The following IFT74 variants were observed in gnomAD, a reference collection of about 807,000 sequenced individuals.
IFT74 encodes intraflagellar transport 74, also known as intraflagellar transport protein 74 homolog.
IFT74 carries 92 observed loss-of-function variants against 96.7 expected under a neutral mutation model. The observed-to-expected ratio is 0.95, with a 90% CI of 0.80 to 1.13. IFT74 has a LOEUF of 1.13. Among genes scored for constraint, IFT74 ranks in the 50% most tolerant of loss-of-function variants. IFT74 has a pLI of 0.00. For missense variants in IFT74, 811 were observed against 698.2 expected (o/e 1.16, Z -1.82); for synonymous variants, 223 against 213.2 (o/e 1.05, Z -0.40).
At chr9:27,044,652 T>A in intron 13 of IFT74, 90 bp from the exon 14 acceptor site, 1 of 722,414 alleles carries the variant, frequency 1.4e-6, no homozygotes, top group Non-Finnish European at 2.4e-6. Flanking sequence ...CAATGACTAA[T>A]GGCATAGAGA....
At chr9:27,028,016 C>CA (rs1197905478) in intron 12 of IFT74, among the ~76,000 whole-genome samples, 1 of 152,172 alleles carries the variant, frequency 6.6e-6, no homozygotes, top group African/African-American at 2.4e-5. Context: ...TTAGCTTCTG[C>CA]ATATGCACTT....
chr9:27,011,952 A>G lies in IFT74; in HGVS notation c.773A>G (p.Lys258Arg). The G allele has an allele frequency of 6.3e-7, 1 of 1,587,348 alleles. No homozygotes were observed. Reference sequence around the variant, plus strand: ...CAATTGGATTCACAGAACATGAAAAAAGAGAGCCTGGAAGCAGTAAGTATA... The same window carrying G: ...CAATTGGATTCACAGAACATGAAAAGAGAGAGCCTGGAAGCAGTAAGTATA... Reference protein sequence around the residue: ...QQQLDSQNMKKESLEAEIAHS... With the variant: ...QQQLDSQNMKRESLEAEIAHS... Residue 258 changes from lysine to arginine, a missense_variant, in exon 10 of 20, where the codon AAA (lysine) becomes AGA (arginine). By Grantham distance (26) the Lys-to-Arg change is conservative (BLOSUM62 2). Transcript: ENST00000380062.
In IFT74 at chr9:26,984,698, A is replaced by G. The variant is rs1398057967; in HGVS notation, c.465+139A>G. On this transcript the variant is annotated intron_variant, in intron 6 of 19. Coordinates refer to ENST00000380062, the MANE Select transcript of IFT74 (RefSeq NM_025103.4). Reference sequence around the variant, plus strand: ...CAAACATGCAGCCAACAAGCATATGAAAAGAAGCTCATCATCACTGATGAT... The same window carrying G: ...CAAACATGCAGCCAACAAGCATATGGAAAGAAGCTCATCATCACTGATGAT... 1.3e-5 allele frequency: 8 copies of G among 616,792 alleles called. No homozygotes were observed. The Admixed American group carries it at 2.3e-4, about 17-fold the overall frequency. 38.2% of individuals were successfully genotyped at this position (616,792 alleles called of 1,614,324 possible).
At chr9:26,975,647 T>C (rs78249280) in intron 2 of IFT74, among the ~76,000 whole-genome samples, 8,105 of 152,262 alleles carry the variant, frequency 0.053, 311 homozygotes, top group Middle Eastern at 0.15. Context: ...CTAACTGAAA[T>C]AGGCCTTTCC....
chr9:26,967,044 C>CT lies in IFT74; in HGVS notation c.120+4967dup, dbSNP rs774615807. The stretch of plus-strand genomic sequence containing the variant: ...CCAGTATGCTTTTCTTTTTCTTTTC[C>CT]TTTTTTTTTTAATTCAGGATGGGTT... On this transcript the variant is annotated intron_variant, in intron 2 of 19. Transcript: ENST00000380062. Among the ~76,000 whole-genome samples, 142 of 143,932 alleles carry CT rather than the reference C, an allele frequency of 9.9e-4. 2 individuals are homozygous for CT. The East Asian group carries it at 0.019, about 19-fold the overall frequency. The allele number at this position is 143,932 out of a possible 152,430, so 94.4% of individuals were successfully genotyped here. A position where few individuals can be genotyped will look rare whatever the true frequency, so the allele number is the denominator to read the frequency against.
intron 8 of IFT74, among the ~76,000 whole-genome samples, chr9:27,007,970 A>T (rs1318498467): frequency 6.6e-6 from 1 of 152,174 alleles, no homozygotes; most frequent in Non-Finnish European, 1.5e-5. Flanking sequence ...GCAACAAGTG[A>T]CATGTCATTG....
chr9:26,959,686 T>A (rs910405292), intron 1 of IFT74, among the ~76,000 whole-genome samples: 8 of 151,942 alleles, frequency 5.3e-5, no homozygotes, highest in Non-Finnish European at 4.4e-5. Context: ...TGTAGAGAAG[T>A]TTATGTGCCC....
intron 1 of IFT74, among the ~76,000 whole-genome samples, chr9:26,958,552 C>CT (rs1826217982): frequency 6.6e-6 from 1 of 152,124 alleles, no homozygotes; most frequent in African/African-American, 2.4e-5. Flanking sequence ...CTCAGTAGAA[C>CT]TATGTGACCA....
intron 10 of IFT74, among the ~76,000 whole-genome samples, chr9:27,012,708 GTTTTTTTT>G (rs772920018): frequency 1.9e-5 from 1 of 53,866 alleles, no homozygotes; most frequent in Admixed American, 2.7e-4. Flanking sequence ...AAAAATGTCT[GTTTTTTTT>G]TTTTTTTTTT....
intron 8 of IFT74, among the ~76,000 whole-genome samples, chr9:27,007,362 A>G (rs1475817432): frequency 1.3e-5 from 2 of 152,232 alleles, no homozygotes; most frequent in African/African-American, 4.8e-5. Context: ...GGTAGTCAGT[A>G]ATCAAATTTA....
At chr9:27,037,384 G>A (rs955066787) in intron 13 of IFT74, among the ~76,000 whole-genome samples, 18 of 152,096 alleles carry the variant, frequency 1.2e-4, no homozygotes, top group African/African-American at 4.3e-4. Flanking sequence ...GTGAGAGGAA[G>A]GAATTTAAGG....
intron 3 of IFT74, 36 bp downstream of exon 3, chr9:26,978,299 G>C: frequency 1.3e-6 from 2 of 1,592,922 alleles, no homozygotes; most frequent in South Asian, 2.3e-5. Context: ...ACTTGGGCCT[G>C]TGTTTTGTAA....
chr9:26,950,960 T>A (rs1009886113), intron 1 of IFT74, among the ~76,000 whole-genome samples: 3 of 152,262 alleles, frequency 2.0e-5, no homozygotes, highest in African/African-American at 7.2e-5. Flanking sequence ...TTTTTATGTG[T>A]TCAGCAGTTC....
In IFT74 at chr9:27,056,425, A is replaced by G. The variant is rs375621987; in HGVS notation, c.1589A>G (p.Lys530Arg). 1.1e-5 allele frequency: 18 copies of G among 1,600,316 alleles called. No individual in the cohort carries two copies. In the African/African-American group the frequency reaches 2.0e-4, roughly 18 times the overall value. ...CAAAACATAGAGTATGAGGCACTAA[A>G]AACACAATTGCAAGAAAATGAGACA... ...EKQNIEYEALKTQLQENETHS... is the reference protein window; with the variant it reads ...EKQNIEYEALRTQLQENETHS... Residue 530 changes from lysine (K) to arginine (R), a missense_variant, in exon 18 of 20, where the codon AAA becomes AGA. By Grantham distance (26) the Lys-to-Arg change is conservative. Transcript: ENST00000380062.
At chr9:26,990,540 A>C (rs1827818320) in intron 8 of IFT74, among the ~76,000 whole-genome samples, 1 of 152,292 alleles carries the variant, frequency 6.6e-6, no homozygotes. Context: ...TCCCCAATCT[A>C]GTGAAAGACA....
intron 14 of IFT74, among the ~76,000 whole-genome samples, chr9:27,045,389 A>T (rs143273014): frequency 6.6e-6 from 1 of 152,144 alleles, no homozygotes. Flanking sequence ...GCTGCTATAG[A>T]TCATTTATTG....
chr9:27,002,124 T>C (rs1262568296), intron 8 of IFT74, among the ~76,000 whole-genome samples: 4 of 152,152 alleles, frequency 2.6e-5, no homozygotes, highest in Non-Finnish European at 5.9e-5. Context: ...TACACACTTT[T>C]AAACAACCAG....
chr9:26,954,721 A>G (rs1826026987), upstream of IFT74, among the ~76,000 whole-genome samples: 1 of 151,898 alleles, frequency 6.6e-6, no homozygotes, highest in South Asian at 2.1e-4. Flanking sequence ...GGAAGAGAGA[A>G]TTGCAGTGAA....
intron 2 of IFT74, among the ~76,000 whole-genome samples, chr9:26,967,722 T>G (rs917561242): frequency 2.0e-5 from 3 of 152,240 alleles, no homozygotes; most frequent in Non-Finnish European, 4.4e-5. Context: ...GGATACTAGC[T>G]GTGGATCTGT....
Sources: allele counts gnomAD v4.1 joint callset (sites outside exome capture counted in the v4.1 genomes callset), GRCh38; gene constraint gnomAD v4.1.1; transcripts MANE v1.5; gene names NCBI Gene and HGNC (gene_info 2026-07-23, HGNC 2026-07-21).